LIMA1: variants seen among roughly 807,000 people sequenced by gnomAD.
LIMA1 encodes LIM domain and actin-binding protein 1.
LIMA1 carries 52 observed loss-of-function variants against 62.6 expected under a neutral mutation model. The observed-to-expected ratio is 0.83, with a 90% CI of 0.67 to 1.05. The LOEUF is 1.05. Ranked by LOEUF, LIMA1 falls within the 50% of genes least tolerant of loss-of-function variation. LIMA1 has a pLI of 0.00. For missense variants in LIMA1, 780 were observed against 902.2 expected (o/e 0.86, Z 1.74); for synonymous variants, 302 against 317.8 (o/e 0.95, Z 0.53).
At chr12:50,196,511 A>G (rs1262930012) in intron 7 of LIMA1, among the ~76,000 whole-genome samples, 1 of 152,066 alleles carries the variant, frequency 6.6e-6, no homozygotes, top group East Asian at 1.9e-4. Flanking sequence ...TGTATATATC[A>G]TTTTCTCAAA....
In LIMA1 at chr12:50,230,351, C is replaced by A. The variant is rs572643231; in HGVS notation, c.165+1314G>T. On this transcript the variant is annotated intron_variant, in intron 3 of 10. Transcript: ENST00000341247. ...GCGCCCAGCCATACTGACACAATTT[C>A]TTTATTGTCTGTCTTTTGCACTAGA... Among the ~76,000 whole-genome samples, 3 of 151,720 alleles carry A rather than the reference C, an allele frequency of 2.0e-5. No individual in the cohort carries two copies. In the South Asian group the frequency reaches 6.3e-4, roughly 32 times the overall value.
intron 4 of LIMA1, among the ~76,000 whole-genome samples, chr12:50,213,427 T>G (rs759262936): frequency 1.3e-5 from 2 of 152,282 alleles, no homozygotes; most frequent in East Asian, 3.8e-4. Context: ...CTGATATTAA[T>G]TAGCCACATG....
At chr12:50,235,176 C>G (rs1408811195) in intron 2 of LIMA1, among the ~76,000 whole-genome samples, 1 of 152,004 alleles carries the variant, frequency 6.6e-6, no homozygotes, top group Non-Finnish European at 1.5e-5. Context: ...TCAAGTGATC[C>G]TCCTGTCTCA....
chr12:50,273,452 C>T (rs1462287926), intron 1 of LIMA1, among the ~76,000 whole-genome samples: 3 of 151,996 alleles, frequency 2.0e-5, no homozygotes, highest in Non-Finnish European at 2.9e-5. Flanking sequence ...TTGATTCACA[C>T]AGGATGCTTA....
intron 2 of LIMA1, among the ~76,000 whole-genome samples, chr12:50,242,280 G>A (rs1941789053): frequency 6.6e-6 from 1 of 151,824 alleles, no homozygotes; most frequent in African/African-American, 2.4e-5. Flanking sequence ...AGAAGAGGAA[G>A]TTAACCAGGC....
At chr12:50,258,786 C>T (rs6580734) in intron 1 of LIMA1, among the ~76,000 whole-genome samples, 98,946 of 151,068 alleles carry the variant, frequency 0.65, 34,399 homozygotes, top group East Asian at 0.9. Flanking sequence ...TAGCTGGGAC[C>T]GCAGGCATGC....
At chr12:50,182,242 C>T in intron 9 of LIMA1, 1 of 467,318 alleles carries the variant, frequency 2.1e-6, no homozygotes, top group Non-Finnish European at 3.8e-6. Flanking sequence ...TGTGTGGCTG[C>T]TCTAAATGTA....
chr12:50,213,948 T>A (rs1314868410), intron 4 of LIMA1, among the ~76,000 whole-genome samples: 1 of 151,504 alleles, frequency 6.6e-6, no homozygotes, highest in African/African-American at 2.4e-5. Context: ...TCAAGGACAG[T>A]CATTTAGGGC....
At chr12:50,277,882 T>C (rs929763746) in intron 1 of LIMA1, among the ~76,000 whole-genome samples, 1 of 152,164 alleles carries the variant, frequency 6.6e-6, no homozygotes, top group African/African-American at 2.4e-5. Context: ...CAGACATAAT[T>C]CACAGAAGAA....
At chr12:50,239,657 C>A (rs552527701) in intron 2 of LIMA1, among the ~76,000 whole-genome samples, 8 of 151,672 alleles carry the variant, frequency 5.3e-5, no homozygotes, top group Admixed American at 2.6e-4. Flanking sequence ...AAACAAAAAA[C>A]CATCACATTG....
chr12:50,271,142 A>G (rs541416039), intron 1 of LIMA1, among the ~76,000 whole-genome samples: 2 of 150,514 alleles, frequency 1.3e-5, no homozygotes, highest in East Asian at 4.0e-4. Context: ...GCTGTGGCTT[A>G]CGCCTGTAAT....
intron 1 of LIMA1, among the ~76,000 whole-genome samples, chr12:50,277,071 G>C (rs1353753477): frequency 6.6e-6 from 1 of 152,060 alleles, no homozygotes; most frequent in South Asian, 2.1e-4. Flanking sequence ...ACACCCTCTA[G>C]TCACAAAATG....
At chr12:50,240,041 CATA>C (rs1565854642) in intron 2 of LIMA1, among the ~76,000 whole-genome samples, 2 of 149,922 alleles carry the variant, frequency 1.3e-5, no homozygotes, top group Non-Finnish European at 3.0e-5. Context: ...CATAACATAA[CATA>C]ACATAACATA....
intron 2 of LIMA1, among the ~76,000 whole-genome samples, chr12:50,237,658 G>C (rs1941715561): frequency 6.6e-6 from 1 of 152,090 alleles, no homozygotes; most frequent in East Asian, 1.9e-4. Flanking sequence ...AAAAAAAGTG[G>C]TTAAAATGGT....
At chr12:50,200,427 C>T (rs2138466449) in intron 7 of LIMA1, among the ~76,000 whole-genome samples, 1 of 148,952 alleles carries the variant, frequency 6.7e-6, no homozygotes, top group South Asian at 2.1e-4. Flanking sequence ...TCTCGAACTC[C>T]TGACCTCAGG....
At chr12:50,193,582 C>CATATATATCATAT (rs1565833273) in intron 8 of LIMA1, among the ~76,000 whole-genome samples, 45 of 98,256 alleles carry the variant, frequency 4.6e-4, no homozygotes, top group African/African-American at 1.7e-3. Flanking sequence ...TATATATATA[C>CATATATATCATAT]ATGTATATAT....
At chr12:50,221,973 T>A (rs1379625910) in intron 4 of LIMA1, 48 bp downstream of exon 4, 18 of 1,505,484 alleles carry the variant, frequency 1.2e-5, no homozygotes, top group Non-Finnish European at 1.6e-5. Context: ...CAGCTTTGTT[T>A]AGTGCTTGAA....
chr12:50,261,620 G>T (rs1043624052), intron 1 of LIMA1, among the ~76,000 whole-genome samples: 7 of 152,170 alleles, frequency 4.6e-5, no homozygotes, highest in African/African-American at 1.7e-4. Flanking sequence ...TGGGCTAAAA[G>T]GTTCCCTATA....
rs569168860 is a variant in LIMA1, at chr12:50,257,778, G to T, written c.-23-9004C>A. On this transcript the variant is annotated intron_variant, in intron 1 of 10. Coordinates refer to ENST00000341247, the MANE Select transcript of LIMA1 (RefSeq NM_016357.5). ...ATGATGGTCTCAAGTAGTAACAGTA[G>T]TAACTGTCATAGTGATGGTCTCAAG... Among the ~76,000 whole-genome samples the T allele has an allele frequency of 6.6e-5, 10 of 152,246 alleles. No homozygotes were observed. The South Asian group carries it at 1.9e-3, about 28-fold the overall frequency.
Sources: allele counts gnomAD v4.1 joint callset (sites outside exome capture counted in the v4.1 genomes callset), GRCh38; gene constraint gnomAD v4.1.1; transcripts MANE v1.5; gene names NCBI Gene and HGNC (gene_info 2026-07-23, HGNC 2026-07-21).